The following ITFG1 variants were observed in gnomAD, a reference collection of about 807,000 sequenced individuals.
ITFG1 encodes integrin alpha FG-GAP repeat containing 1, also known as T-cell immunomodulatory protein.
ITFG1 carries 34 observed loss-of-function variants against 81.8 expected under a neutral mutation model. That is an observed-to-expected ratio of 0.42 (90% CI 0.32 to 0.55). The LOEUF is 0.55. ITFG1 is among the 20% of genes least tolerant of loss of function. The pLI is 0.17. For synonymous variants in ITFG1, 285 were observed against 270.6 expected (o/e 1.05, Z -0.52); for missense variants, 672 against 755.4 (o/e 0.89, Z 1.29).
At chr16:47,331,632 G>A (rs1469371917) in intron 8 of ITFG1, among the ~76,000 whole-genome samples, 1 of 152,124 alleles carries the variant, frequency 6.6e-6, no homozygotes, top group Non-Finnish European at 1.5e-5. Context: ...TTACCTTTCA[G>A]ATCCTTTTAT....
chr16:47,212,964 T>C (rs1236243033), intron 14 of ITFG1, among the ~76,000 whole-genome samples: 1 of 152,226 alleles, frequency 6.6e-6, no homozygotes, highest in Non-Finnish European at 1.5e-5. Flanking sequence ...TTTGCTTTTC[T>C]ATTCATAGGT....
Position 47,380,284 on chromosome 16 carries a change from T to C in ITFG1, c.656-4344A>G, listed in dbSNP as rs142849729. ...GTCCTCAGATTCACGCAAAACTTCATAGTCTGCAGAAGTAGCCCACTCTTT... is the reference window on the plus strand; with the variant it reads ...GTCCTCAGATTCACGCAAAACTTCACAGTCTGCAGAAGTAGCCCACTCTTT... On this transcript the variant is annotated intron_variant, in intron 6 of 17. Transcript: ENST00000320640. 7.5e-3 allele frequency among the ~76,000 whole-genome samples: 1,146 copies of C among 152,268 alleles called. 19 individuals are homozygous for C. Among genetic ancestry groups the C allele is most frequent in the African/African-American group, 0.026 (1,085 of 41,568 alleles).
intron 10 of ITFG1, among the ~76,000 whole-genome samples, chr16:47,310,454 C>T (rs181585848): frequency 9.5e-4 from 145 of 152,148 alleles, no homozygotes; most frequent in African/African-American, 2.8e-3. Flanking sequence ...ATGAATAAAA[C>T]GATAAGGTAT....
At chr16:47,288,192 G>A (rs1966877612) in intron 10 of ITFG1, among the ~76,000 whole-genome samples, 1 of 152,180 alleles carries the variant, frequency 6.6e-6, no homozygotes, top group Non-Finnish European at 1.5e-5. Flanking sequence ...GAATGAGAAT[G>A]TGGTTATTCA....
At chr16:47,414,506 A>T (rs1176597282) in intron 6 of ITFG1, among the ~76,000 whole-genome samples, 1 of 152,114 alleles carries the variant, frequency 6.6e-6, no homozygotes, top group Non-Finnish European at 1.5e-5. Flanking sequence ...AGCCTGGGTG[A>T]CTGAGTGAGA....
At chr16:47,397,326 T>C (rs1968606110) in intron 6 of ITFG1, among the ~76,000 whole-genome samples, 1 of 151,888 alleles carries the variant, frequency 6.6e-6, no homozygotes, top group African/African-American at 2.4e-5. Flanking sequence ...GGGTCAGGGA[T>C]GGGTAAGTTA....
intron 8 of ITFG1, among the ~76,000 whole-genome samples, chr16:47,361,541 A>G (rs1311040526): frequency 6.6e-6 from 1 of 152,182 alleles, no homozygotes; most frequent in Non-Finnish European, 1.5e-5. Flanking sequence ...GACAGAAAAC[A>G]TGTCTTCTAG....
chr16:47,200,782 C>G (rs571931142), intron 14 of ITFG1, among the ~76,000 whole-genome samples: 8 of 152,264 alleles, frequency 5.3e-5, no homozygotes, highest in Non-Finnish European at 8.8e-5. Context: ...ACCTACTCAG[C>G]TGAAACTTTG....
At chr16:47,197,950 A>G (rs1965378087) in intron 14 of ITFG1, among the ~76,000 whole-genome samples, 1 of 152,170 alleles carries the variant, frequency 6.6e-6, no homozygotes, top group African/African-American at 2.4e-5. Flanking sequence ...TTGTATTTCA[A>G]ATTAGGGAAT....
chr16:47,305,163 A>T (rs575268194), intron 10 of ITFG1, among the ~76,000 whole-genome samples: 22 of 152,330 alleles, frequency 1.4e-4, no homozygotes, highest in African/African-American at 5.3e-4. Flanking sequence ...ACAAGTATAT[A>T]CACTCATATA....
intron 10 of ITFG1, among the ~76,000 whole-genome samples, chr16:47,292,239 C>T (rs1415213781): frequency 6.6e-6 from 1 of 152,156 alleles, no homozygotes; most frequent in African/African-American, 2.4e-5. Context: ...GTCTAGAACT[C>T]CTGACCTCGT....
intron 2 of ITFG1, among the ~76,000 whole-genome samples, chr16:47,457,822 C>T (rs566545799): frequency 6.6e-6 from 1 of 152,106 alleles, no homozygotes. Flanking sequence ...AGTTAGTTCA[C>T]TTCTCATATA....
intron 6 of ITFG1, among the ~76,000 whole-genome samples, chr16:47,415,790 T>C (rs1968866168): frequency 6.6e-6 from 1 of 152,172 alleles, no homozygotes; most frequent in Non-Finnish European, 1.5e-5. Flanking sequence ...GCAAGATAAG[T>C]GTTTCACCTC....
chr16:47,403,105 T>C (rs1459269567), intron 6 of ITFG1, among the ~76,000 whole-genome samples: 1 of 152,198 alleles, frequency 6.6e-6, no homozygotes, highest in Admixed American at 6.5e-5. Context: ...ACTTGACAAA[T>C]TTTTTTAAAA....
chr16:47,317,771 T>C (rs770696055), intron 8 of ITFG1: 5 of 152,228 alleles, frequency 3.3e-5, no homozygotes, highest in African/African-American at 7.2e-5. Flanking sequence ...AATGTCTTGA[T>C]CATGTTTCTT....
chr16:47,279,097 C>T (rs927272437), intron 10 of ITFG1, among the ~76,000 whole-genome samples: 1 of 151,898 alleles, frequency 6.6e-6, no homozygotes, highest in African/African-American at 2.4e-5. Context: ...TTTTTTCATC[C>T]TCTTTGCAAT....
At chr16:47,387,655 G>A (rs1191418867) in intron 6 of ITFG1, among the ~76,000 whole-genome samples, 1 of 152,100 alleles carries the variant, frequency 6.6e-6, no homozygotes, top group African/African-American at 2.4e-5. Flanking sequence ...CCTGCCTTGC[G>A]GTTCCCACAA....
chr16:47,419,803 A>G (rs1968921288), intron 6 of ITFG1, among the ~76,000 whole-genome samples: 1 of 151,594 alleles, frequency 6.6e-6, no homozygotes, highest in African/African-American at 2.4e-5. Context: ...AGGTTTCACT[A>G]TGTGGGCAAG....
At position 47,382,625 on chromosome 16, in the gene ITFG1, G is replaced by A. The variant is rs555924454; in HGVS notation, c.656-6685C>T. On this transcript the variant is annotated intron_variant, in intron 6 of 17. Transcript: ENST00000320640. ...ACACATTCCTACCCTGTCTTCCGTC[G>A]TCAGTGAAATCATGATCAGAAGTCG... 1.1e-3 allele frequency among the ~76,000 whole-genome samples: 146 copies of A among 133,692 alleles called. 1 individual carries two copies. Among genetic ancestry groups the A allele is most frequent in the Non-Finnish European group, 1.4e-3 (90 of 63,718 alleles). 87.7% of individuals were successfully genotyped at this position (133,692 alleles called of 152,430 possible).
Sources: gnomAD v4.1 joint callset for allele counts (sites outside exome capture counted in the v4.1 genomes callset) on GRCh38, gnomAD v4.1.1 for gene constraint, MANE v1.5 for transcripts, NCBI Gene and HGNC (gene_info 2026-07-23, HGNC 2026-07-21) for gene names.